Variants in MALRD1 observed in about 807,000 individuals in gnomAD.
The protein encoded by MALRD1 is MAM and LDL receptor class A domain containing 1.
A neutral mutation model predicts 242.1 loss-of-function variants in MALRD1; 247 were observed. The ratio of observed to expected loss-of-function variants is 1.02; its 90% CI spans 0.92 to 1.13. MALRD1 has a LOEUF of 1.13. Ranked by LOEUF, MALRD1 falls within the 50% of genes most tolerant of loss-of-function variation. The pLI is 0.00. For missense variants in MALRD1, 2,989 were observed against 2,533.1 expected, an observed-to-expected ratio of 1.18 and a Z score of -3.86; for synonymous variants, 995 against 866.6, an observed-to-expected ratio of 1.15 and a Z score of -2.60.
chr10:19,440,492 C>G (rs1158724612), intron 28 of MALRD1, among the ~76,000 whole-genome samples: 1 of 152,156 alleles, frequency 6.6e-6, no homozygotes, highest in South Asian at 2.1e-4. Flanking sequence ...TATCCCTCCC[C>G]CCGCAACAAC....
chr10:19,413,977 AAC>A (rs1833395682), intron 28 of MALRD1, among the ~76,000 whole-genome samples: 1 of 151,394 alleles, frequency 6.6e-6, no homozygotes, highest in African/African-American at 2.4e-5. Flanking sequence ...AAAAAAAAAA[AAC>A]AATGATTTTT....
intron 36 of MALRD1, among the ~76,000 whole-genome samples, chr10:19,666,752 T>C (rs2131746684): frequency 6.6e-6 from 1 of 152,294 alleles, no homozygotes; most frequent in Admixed American, 6.5e-5. Flanking sequence ...GCTGGTAGCA[T>C]AAGCCTTCAT....
intron 29 of MALRD1, among the ~76,000 whole-genome samples, chr10:19,458,102 T>G (rs1835754606): frequency 1.3e-5 from 2 of 152,114 alleles, no homozygotes; most frequent in Non-Finnish European, 2.9e-5. Flanking sequence ...AGAGCTAAAA[T>G]TTTCTGCCAA....
intron 38 of MALRD1, among the ~76,000 whole-genome samples, chr10:19,693,798 A>G (rs1440551591): frequency 6.6e-6 from 1 of 152,216 alleles, no homozygotes; most frequent in African/African-American, 2.4e-5. Flanking sequence ...ACAAAGCTGG[A>G]GGCATCACGC....
rs180909210 is a variant in MALRD1 at position 19,700,360 on chromosome 10, G to A, written c.6314+7806G>A. Among the ~76,000 whole-genome samples the A allele has an allele frequency of 6.0e-3, 910 of 152,256 alleles. 5 individuals are homozygous for A. The highest frequency in any genetic ancestry group is 8.2e-3 in the Non-Finnish European group (555 of 68,012). ...ACCTGCCATGAGGAAAGGGTAGGAG[G>A]CAAATAGAGGTTGGAATTTGGTTTT... On this transcript the variant is annotated intron_variant, in intron 38 of 39. Transcript: ENST00000454679.
intron 1 of MALRD1, among the ~76,000 whole-genome samples, chr10:19,059,480 C>T (rs536332948): frequency 1.3e-5 from 2 of 152,028 alleles, no homozygotes; most frequent in Admixed American, 6.6e-5. Flanking sequence ...CTCTGCCTCC[C>T]GGTTCAAGCG....
At position 19,148,788 on chromosome 10, in the gene MALRD1, A is replaced by AAAATATAT. The variant is rs1206724666; in HGVS notation, c.1558+2445_1558+2446insAATATATA. Among the ~76,000 whole-genome samples the AAAATATAT allele has an allele frequency of 1.3e-3, 111 of 88,026 alleles. 2 individuals are homozygous for AAAATATAT. In the East Asian group the frequency reaches 0.013, roughly 10 times the overall value. The allele number at this position is 88,026 out of a possible 152,430, so 57.7% of individuals were successfully genotyped here. Reference sequence around the variant, plus strand: ...AAGGGCCAATTAAAAAAAAAAAAAAAATATATATATATATATATATATCTG... The same window carrying AAAATATAT: ...AAGGGCCAATTAAAAAAAAAAAAAAAAAATATATATATATATATATATATATATATCTG... On this transcript the variant is annotated intron_variant, in intron 11 of 39. Transcript: ENST00000454679.
intron 36 of MALRD1, among the ~76,000 whole-genome samples, chr10:19,636,933 A>G (rs903838707): frequency 1.3e-5 from 2 of 149,888 alleles, no homozygotes; most frequent in African/African-American, 5.0e-5. Flanking sequence ...GATTTTTTTA[A>G]AAAATATGAC....
chr10:19,510,762 A>G (rs907639096), intron 31 of MALRD1, among the ~76,000 whole-genome samples: 2 of 152,046 alleles, frequency 1.3e-5, no homozygotes, highest in Non-Finnish European at 2.9e-5. Flanking sequence ...TCTTTTCCCC[A>G]TATTGTTTAC....
chr10:19,209,740 G>C, intron 18 of MALRD1, 60 bp downstream of exon 18: 22 of 1,408,264 alleles, frequency 1.6e-5, no homozygotes, highest in Non-Finnish European at 2.1e-5. Flanking sequence ...TAAGGAATAT[G>C]AAAGATCGCT....
chr10:19,283,427 T>C (rs1840922315), intron 21 of MALRD1, among the ~76,000 whole-genome samples: 1 of 152,182 alleles, frequency 6.6e-6, no homozygotes, highest in Admixed American at 6.6e-5. Flanking sequence ...TTTAATATTA[T>C]CACTCTTTGA....
intron 1 of MALRD1, chr10:19,051,948 A>AAAAAAAAAAAAAAAAAAAAAAAAAAAC (rs1554779437): frequency 6.0e-6 from 1 of 167,738 alleles, no homozygotes; most frequent in Admixed American, 6.5e-5. Context: ...AAAAAAAAAA[A>AAAAAAAAAAAAAAAAAAAAAAAAAAAC]AAAAGGAAAG....
At chr10:19,423,608 G>A (rs975447683) in intron 28 of MALRD1, among the ~76,000 whole-genome samples, 2 of 152,100 alleles carry the variant, frequency 1.3e-5, no homozygotes, top group Non-Finnish European at 2.9e-5. Flanking sequence ...GTAGGCACAT[G>A]GAGAGGTTCC....
rs924608315 is a variant in MALRD1, at chr10:19,359,724, T to C, written c.4441+7427T>C. 4.0e-5 allele frequency among the ~76,000 whole-genome samples: 6 copies of C among 149,718 alleles called. No individual in the cohort carries two copies. In the Admixed American group the frequency reaches 4.0e-4, roughly 10 times the overall value. ...AGGAGAACATAAAAAGAATACAGGA[T>C]TTTGACCCAGGAGAGCTGGCTTTGA... On this transcript the variant is annotated intron_variant, in intron 26 of 39. Transcript: ENST00000454679.
intron 33 of MALRD1, among the ~76,000 whole-genome samples, chr10:19,587,794 A>G (rs1417408891): frequency 1.3e-5 from 2 of 151,856 alleles, no homozygotes; most frequent in Non-Finnish European, 2.9e-5. Flanking sequence ...AAATGCCAGG[A>G]ATTGGAACTG....
intron 24 of MALRD1, among the ~76,000 whole-genome samples, chr10:19,332,338 T>C (rs1055469074): frequency 6.6e-6 from 1 of 152,058 alleles, no homozygotes; most frequent in African/African-American, 2.4e-5. Flanking sequence ...CCCTGATAAA[T>C]ACCTGTATAT....
chr10:19,348,434 G>C (rs1451101922), intron 25 of MALRD1, among the ~76,000 whole-genome samples: 1 of 151,324 alleles, frequency 6.6e-6, no homozygotes, highest in Non-Finnish European at 1.5e-5. Context: ...ATGAATATTA[G>C]AGATAGTTAG....
At chr10:19,719,245 T>TGC (rs1564567553) in intron 38 of MALRD1, among the ~76,000 whole-genome samples, 1 of 119,246 alleles carries the variant, frequency 8.4e-6, no homozygotes, top group East Asian at 2.3e-4. Flanking sequence ...TATATATATA[T>TGC]ATATATATAT....
At chr10:19,386,629 G>A (rs1470772835) in intron 26 of MALRD1, among the ~76,000 whole-genome samples, 4 of 151,840 alleles carry the variant, frequency 2.6e-5, no homozygotes, top group Non-Finnish European at 5.9e-5. Flanking sequence ...TCATGTATTT[G>A]ACTAATATTT....
Sources: gnomAD v4.1 joint callset for allele counts (sites outside exome capture counted in the v4.1 genomes callset) on GRCh38, gnomAD v4.1.1 for gene constraint, MANE v1.5 for transcripts, NCBI Gene and HGNC (gene_info 2026-07-23, HGNC 2026-07-21) for gene names.